The following PPP1R14C variants were observed in gnomAD, a reference collection of about 807,000 sequenced individuals.
PPP1R14C encodes protein phosphatase 1 regulatory inhibitor subunit 14C.
A neutral mutation model predicts 20.4 loss-of-function variants in PPP1R14C; 16 were observed. The observed-to-expected ratio is 0.78, with a 90% CI of 0.53 to 1.19. PPP1R14C has a LOEUF of 1.19. Ranked by LOEUF, PPP1R14C falls within the 50% of genes most tolerant of loss-of-function variation. The probability of loss-of-function intolerance (pLI) is 0.00; values close to 1 mark genes in which losing one functional copy is unlikely to be tolerated. For synonymous variants in PPP1R14C, 91 were observed against 91.0 expected, an observed-to-expected ratio of 1.00 and a Z score of 0.00; for missense variants, 211 against 220.1, an observed-to-expected ratio of 0.96 and a Z score of 0.26.
At chr6:150,240,488 A>G (rs1778418733) in intron 3 of PPP1R14C, among the ~76,000 whole-genome samples, 1 of 152,202 alleles carries the variant, frequency 6.6e-6, no homozygotes, top group Admixed American at 6.5e-5. Context: ...CCCATTGGTT[A>G]CTTGGTTAGA....
chr6:150,173,259 A>C (rs1015936605), intron 1 of PPP1R14C, among the ~76,000 whole-genome samples: 2 of 152,022 alleles, frequency 1.3e-5, no homozygotes, highest in African/African-American at 4.8e-5. Context: ...ACCACATTGC[A>C]TGAGTGGAGT....
At chr6:150,170,076 G>C (rs576913535) in intron 1 of PPP1R14C, among the ~76,000 whole-genome samples, 16 of 152,180 alleles carry the variant, frequency 1.1e-4, no homozygotes, top group Non-Finnish European at 2.1e-4. Context: ...AGGTCACATA[G>C]TATTGCTTCT....
chr6:150,212,830 G>A (rs971960615), intron 1 of PPP1R14C, among the ~76,000 whole-genome samples: 3 of 152,150 alleles, frequency 2.0e-5, no homozygotes, highest in African/African-American at 4.8e-5. Context: ...TATGCTGTCC[G>A]GGTTTACAGC....
intron 3 of PPP1R14C, among the ~76,000 whole-genome samples, chr6:150,242,168 T>G (rs1200673164): frequency 6.6e-6 from 1 of 152,170 alleles, no homozygotes; most frequent in East Asian, 1.9e-4. Flanking sequence ...TAGGCCCAGA[T>G]GGCTTCAGTG....
intron 3 of PPP1R14C, among the ~76,000 whole-genome samples, chr6:150,237,414 G>A (rs1264137976): frequency 7.2e-5 from 11 of 152,072 alleles, no homozygotes; most frequent in Admixed American, 5.9e-4. Flanking sequence ...TATTGGTCAC[G>A]ATGGTCTCGA....
intron 1 of PPP1R14C, among the ~76,000 whole-genome samples, chr6:150,163,704 G>A (rs947139387): frequency 6.6e-6 from 1 of 152,114 alleles, no homozygotes; most frequent in African/African-American, 2.4e-5. Context: ...GTCATTTGAG[G>A]TTTGATCATT....
chr6:150,183,580 C>T (rs141165989), intron 1 of PPP1R14C, among the ~76,000 whole-genome samples: 2,196 of 151,816 alleles, frequency 0.014, 20 homozygotes, highest in Non-Finnish European at 0.022. Context: ...GGTGCGATCT[C>T]GGCTCACTGC....
Position 150,214,847 on chromosome 6 carries a change from G to T in PPP1R14C, c.390+20G>T, listed in dbSNP as rs374481618. ...TTACAGGTAAGCAGTTTCCAAAATT[G>T]AGAACCTTCTAATCATGGACACTTG... On this transcript the variant is annotated intron_variant, in intron 2 of 3. Coordinates refer to ENST00000361131, the MANE Select transcript of PPP1R14C (RefSeq NM_030949.3). 43 of 1,556,700 alleles carry T rather than the reference G, an allele frequency of 2.8e-5. No homozygotes were observed. The highest frequency in any genetic ancestry group is 3.8e-5 in the Non-Finnish European group (43 of 1,131,768).
In PPP1R14C at chr6:150,229,602, C is replaced by G. The variant is rs555299563; in HGVS notation, c.423+12746C>G. The stretch of plus-strand genomic sequence containing the variant: ...TAAAATAGATTAATGGGACTTCGCT[C>G]ACAGTGGAACAAATTACTATTTAAA... On this transcript the variant is annotated intron_variant, in intron 3 of 3. Coordinates refer to ENST00000361131, the MANE Select transcript of PPP1R14C (RefSeq NM_030949.3). 1.7e-3 allele frequency among the ~76,000 whole-genome samples: 253 copies of G among 152,258 alleles called. No individual in the cohort carries two copies. In the Middle Eastern group the frequency reaches 0.017, roughly 10 times the overall value.
intron 3 of PPP1R14C, among the ~76,000 whole-genome samples, chr6:150,218,487 A>ACCC (rs1778127394): frequency 3.3e-5 from 2 of 61,482 alleles, no homozygotes; most frequent in Non-Finnish European, 7.0e-5. Flanking sequence ...CCCCCCCCCA[A>ACCC]AAAAAAATTC....
intron 1 of PPP1R14C, among the ~76,000 whole-genome samples, chr6:150,207,740 A>G (rs906080179): frequency 5.3e-5 from 8 of 152,244 alleles, no homozygotes; most frequent in African/African-American, 1.9e-4. Flanking sequence ...TTGCTGTGAC[A>G]GAAGACTACA....
chr6:150,186,316 C>T (rs1777676452), intron 1 of PPP1R14C, among the ~76,000 whole-genome samples: 1 of 152,148 alleles, frequency 6.6e-6, no homozygotes, highest in African/African-American at 2.4e-5. Flanking sequence ...TATAATTCCA[C>T]TGTTGGTCTG....
chr6:150,218,809 C>A (rs1778130640), intron 3 of PPP1R14C, among the ~76,000 whole-genome samples: 1 of 151,996 alleles, frequency 6.6e-6, no homozygotes, highest in Non-Finnish European at 1.5e-5. Flanking sequence ...TTACCACACC[C>A]AGCTAAATTA....
intron 3 of PPP1R14C, among the ~76,000 whole-genome samples, chr6:150,238,979 G>A (rs1778400908): frequency 6.6e-6 from 1 of 152,036 alleles, no homozygotes; most frequent in Non-Finnish European, 1.5e-5. Context: ...CGTAAGCAGT[G>A]TCAGATCCCC....
chr6:150,162,892 A>T (rs1278332895), intron 1 of PPP1R14C, among the ~76,000 whole-genome samples: 3 of 152,146 alleles, frequency 2.0e-5, no homozygotes, highest in Non-Finnish European at 2.9e-5. Context: ...TGGGGCCAGG[A>T]AGGGCTTCTT....
At chr6:150,202,661 G>T (rs1156659549) in intron 1 of PPP1R14C, among the ~76,000 whole-genome samples, 1 of 152,200 alleles carries the variant, frequency 6.6e-6, no homozygotes, top group East Asian at 1.9e-4. Flanking sequence ...CTGGTCTCAG[G>T]GCTGAAGCTG....
At chr6:150,186,081 T>G (rs1230990138) in intron 1 of PPP1R14C, among the ~76,000 whole-genome samples, 1 of 152,176 alleles carries the variant, frequency 6.6e-6, no homozygotes, top group Non-Finnish European at 1.5e-5. Context: ...GATGCTCCCG[T>G]GACCAAGGAT....
At chr6:150,173,991 A>G (rs564009061) in intron 1 of PPP1R14C, among the ~76,000 whole-genome samples, 2 of 151,538 alleles carry the variant, frequency 1.3e-5, no homozygotes, top group East Asian at 1.9e-4. Context: ...GCTGAAATCA[A>G]TTTGCTTATT....
chr6:150,177,092 G>T (rs1777571009), intron 1 of PPP1R14C, among the ~76,000 whole-genome samples: 1 of 152,172 alleles, frequency 6.6e-6, no homozygotes, highest in African/African-American at 2.4e-5. Context: ...GAGATGTCTT[G>T]CTGTGTAGCT....
Sources: allele counts gnomAD v4.1 joint callset (sites outside exome capture counted in the v4.1 genomes callset), GRCh38; gene constraint gnomAD v4.1.1; transcripts MANE v1.5; gene names NCBI Gene and HGNC (gene_info 2026-07-23, HGNC 2026-07-21).